Variants in SUGCT observed in about 807,000 individuals in gnomAD.
SUGCT encodes the protein succinyl-CoA:glutarate CoA-transferase.
SUGCT carries 41 observed loss-of-function variants against 55.0 expected under a neutral mutation model. That is an observed-to-expected ratio of 0.74 (90% CI 0.58 to 0.97). The LOEUF (loss-of-function observed/expected upper bound fraction) is 0.97. Among genes scored for constraint, SUGCT ranks in the 50% least tolerant of loss-of-function variants. SUGCT has a pLI of 0.00. For synonymous variants in SUGCT, 187 were observed against 200.4 expected, an observed-to-expected ratio of 0.93 and a Z score of 0.56; for missense variants, 568 against 547.8, an observed-to-expected ratio of 1.04 and a Z score of -0.37.
At chr7:40,640,232 C>T (rs1413384270) in intron 12 of SUGCT, among the ~76,000 whole-genome samples, 1 of 152,144 alleles carries the variant, frequency 6.6e-6, no homozygotes, top group Non-Finnish European at 1.5e-5. Context: ...TTACACATGG[C>T]TTCCATAAGC....
chr7:40,387,582 G>A (rs556590471), intron 9 of SUGCT, among the ~76,000 whole-genome samples: 16 of 152,242 alleles, frequency 1.1e-4, no homozygotes, highest in Middle Eastern at 3.4e-3. Context: ...TTTTCTTGCT[G>A]AACCCTTTGG....
chr7:40,153,554 G>A, intron 1 of SUGCT: 2 of 455,166 alleles, frequency 4.4e-6, no homozygotes, highest in South Asian at 1.7e-5. Flanking sequence ...GGACCTATGG[G>A]CACATTTTGG....
chr7:40,638,003 G>A (rs1232227434), intron 12 of SUGCT, among the ~76,000 whole-genome samples: 4 of 152,118 alleles, frequency 2.6e-5, no homozygotes, highest in Non-Finnish European at 5.9e-5. Context: ...GAGGCTATAG[G>A]GTGTGTATTT....
At chr7:40,428,238 C>T (rs568062244) in intron 9 of SUGCT, among the ~76,000 whole-genome samples, 2 of 152,286 alleles carry the variant, frequency 1.3e-5, no homozygotes, top group South Asian at 2.1e-4. Context: ...TTTCTTCATC[C>T]ATTCACTTCC....
chr7:40,219,070 C>T (rs1787862618), intron 6 of SUGCT, among the ~76,000 whole-genome samples: 1 of 152,168 alleles, frequency 6.6e-6, no homozygotes, highest in South Asian at 2.1e-4. Context: ...AGCTTCACTC[C>T]TGAAGCCAGC....
chr7:40,262,641 G>C (rs1791302097), intron 7 of SUGCT, among the ~76,000 whole-genome samples: 1 of 151,882 alleles, frequency 6.6e-6, no homozygotes, highest in East Asian at 1.9e-4. Flanking sequence ...CTCCAGCCTG[G>C]GCGACAGAGC....
At chr7:41,003,709 G>A in the SUGCT span, among the ~76,000 whole-genome samples, 2 of 152,212 alleles carry the variant, frequency 1.3e-5, no homozygotes, top group African/African-American at 4.8e-5. Context: ...CCCCATCCAA[G>A]ATCAACAAAT....
At chr7:40,242,933 A>ATATATTTTTTTTTTTTT (rs1270335224) in intron 7 of SUGCT, among the ~76,000 whole-genome samples, 1 of 17,204 alleles carries the variant, frequency 5.8e-5, no homozygotes, top group African/African-American at 1.5e-4. Context: ...ATATATATAT[A>ATATATTTTTTTTTTTTT]TTTTTTTTTT....
chr7:40,410,460 C>T (rs1268010380), intron 9 of SUGCT, among the ~76,000 whole-genome samples: 1 of 152,110 alleles, frequency 6.6e-6, no homozygotes, highest in Non-Finnish European at 1.5e-5. Context: ...TCAGTTACTA[C>T]CTCAGCCACT....
chr7:40,756,765 A>T (rs904591443), intron 13 of SUGCT, among the ~76,000 whole-genome samples: 1 of 152,174 alleles, frequency 6.6e-6, no homozygotes, highest in African/African-American at 2.4e-5. Flanking sequence ...GAGATAAGTT[A>T]TTTCTTCCAG....
At chr7:40,648,125 CATT>C (rs1800614159) in intron 12 of SUGCT, among the ~76,000 whole-genome samples, 1 of 152,068 alleles carries the variant, frequency 6.6e-6, no homozygotes, top group Non-Finnish European at 1.5e-5. Context: ...AAGTATAGAA[CATT>C]ATGAAGATGA....
chr7:40,615,185 T>C (rs1798942308), intron 12 of SUGCT, among the ~76,000 whole-genome samples: 1 of 152,138 alleles, frequency 6.6e-6, no homozygotes, highest in Non-Finnish European at 1.5e-5. Context: ...ACATACAGAT[T>C]CCATCTATAG....
At chr7:40,703,470 A>G (rs529957593) in intron 12 of SUGCT, among the ~76,000 whole-genome samples, 30 of 152,178 alleles carry the variant, frequency 2.0e-4, no homozygotes, top group African/African-American at 7.0e-4. Context: ...CTCTCTATAT[A>G]TACATACTCA....
intron 11 of SUGCT, among the ~76,000 whole-genome samples, chr7:40,465,250 A>G (rs1053408300): frequency 2.6e-5 from 4 of 152,140 alleles, no homozygotes; most frequent in Non-Finnish European, 5.9e-5. Context: ...TAAATGTCCT[A>G]TATCAGGGCC....
chr7:40,363,699 C>G (rs1798267391), intron 9 of SUGCT, among the ~76,000 whole-genome samples: 2 of 152,066 alleles, frequency 1.3e-5, no homozygotes, highest in Admixed American at 1.3e-4. Context: ...AATTTCTGTT[C>G]TTTTACATTT....
chr7:40,742,743 T>C (rs1285517297), intron 12 of SUGCT, among the ~76,000 whole-genome samples: 2 of 152,232 alleles, frequency 1.3e-5, no homozygotes, highest in Non-Finnish European at 2.9e-5. Flanking sequence ...GAATTTATGT[T>C]ATTTTTGCAT....
At chr7:40,548,479 TG>T in intron 12 of SUGCT, among the ~76,000 whole-genome samples, 2 of 152,318 alleles carry the variant, frequency 1.3e-5, no homozygotes, top group South Asian at 4.2e-4. Flanking sequence ...ATTTCATGCA[TG>T]AACTATGGCA....
At chr7:40,853,090 A>G (rs1157846455) in intron 13 of SUGCT, among the ~76,000 whole-genome samples, 1 of 151,368 alleles carries the variant, frequency 6.6e-6, no homozygotes, top group African/African-American at 2.4e-5. Context: ...AAAAAAAAAA[A>G]GAAAGAAAGT....
chr7:40,928,288 T>A, the SUGCT span, among the ~76,000 whole-genome samples: 2 of 152,058 alleles, frequency 1.3e-5, no homozygotes, highest in Non-Finnish European at 2.9e-5. Context: ...ATTAGACATA[T>A]GTTGGAACTT....
Sources: allele counts gnomAD v4.1 joint callset (sites outside exome capture counted in the v4.1 genomes callset), GRCh38; gene constraint gnomAD v4.1.1; transcripts MANE v1.5; gene names NCBI Gene and HGNC (gene_info 2026-07-23, HGNC 2026-07-21).